Variants in LAMA2 observed in about 807,000 individuals in gnomAD.
The protein encoded by LAMA2 is laminin subunit alpha-2.
Under a neutral mutation model 364.8 loss-of-function variants are expected in LAMA2, and 269 were observed. The ratio of observed to expected loss-of-function variants is 0.74; its 90% CI spans 0.67 to 0.82. The LOEUF (loss-of-function observed/expected upper bound fraction) is 0.82, where lower values mean the gene tolerates loss of function less well. Ranked by LOEUF, LAMA2 falls within the 40% of genes least tolerant of loss-of-function variation. The pLI is 0.00. For missense variants in LAMA2, 3,807 were observed against 3,873.2 expected (o/e 0.98, Z 0.45); for synonymous variants, 1,379 against 1,370.6 (o/e 1.01, Z -0.14).
intron 1 of LAMA2, among the ~76,000 whole-genome samples, chr6:129,049,260 C>G (rs1442431068): frequency 6.6e-6 from 1 of 152,132 alleles, no homozygotes; most frequent in Non-Finnish European, 1.5e-5. Flanking sequence ...GAGATCGTAT[C>G]TATGAAAGTT....
intron 1 of LAMA2, among the ~76,000 whole-genome samples, chr6:128,984,449 G>A (rs879684169): frequency 3.9e-5 from 6 of 152,218 alleles, no homozygotes; most frequent in African/African-American, 1.4e-4. Flanking sequence ...GTATCCACAT[G>A]TGAACTCCCT....
At chr6:129,252,880 C>A (rs1375698652) in intron 14 of LAMA2, among the ~76,000 whole-genome samples, 1 of 152,116 alleles carries the variant, frequency 6.6e-6, no homozygotes, top group East Asian at 1.9e-4. Context: ...TTATGTGTGA[C>A]CTTTGGCAAG....
chr6:128,937,767 T>C (rs904020576), intron 1 of LAMA2, among the ~76,000 whole-genome samples: 2 of 152,100 alleles, frequency 1.3e-5, no homozygotes, highest in Admixed American at 1.3e-4. Flanking sequence ...TTCTATTCTC[T>C]TTCTAGTCAC....
intron 1 of LAMA2, among the ~76,000 whole-genome samples, chr6:129,013,434 C>T (rs898254915): frequency 1.6e-4 from 24 of 149,012 alleles, no homozygotes; most frequent in Non-Finnish European, 1.9e-4. Context: ...GAGACTCCAT[C>T]TCAAAAAAAA....
chr6:129,076,422 G>GTA (rs1261117252), intron 3 of LAMA2, among the ~76,000 whole-genome samples: 50 of 140,504 alleles, frequency 3.6e-4, no homozygotes, highest in Non-Finnish European at 5.8e-4. Flanking sequence ...GTATATGTGT[G>GTA]TATATATATA....
intron 34 of LAMA2, among the ~76,000 whole-genome samples, chr6:129,374,356 A>G (rs1234240866): frequency 2.0e-5 from 3 of 152,170 alleles, no homozygotes; most frequent in Non-Finnish European, 4.4e-5. Flanking sequence ...CCATGACTAC[A>G]TTAGAGGAGA....
chr6:129,504,561 G>T (rs772032503), intron 60 of LAMA2, among the ~76,000 whole-genome samples: 1 of 152,078 alleles, frequency 6.6e-6, no homozygotes, highest in Non-Finnish European at 1.5e-5. Flanking sequence ...TCAGACTCAA[G>T]GTTTTTATAC....
chr6:129,502,501 A>G (rs1785723949), intron 58 of LAMA2, among the ~76,000 whole-genome samples, 158 bp from the exon 59 acceptor site: 1 of 152,244 alleles, frequency 6.6e-6, no homozygotes, highest in Non-Finnish European at 1.5e-5. Context: ...TGAGCACTCA[A>G]TAATAAGTAC....
intron 22 of LAMA2, among the ~76,000 whole-genome samples, chr6:129,303,781 T>A (rs1459225519): frequency 1.3e-5 from 2 of 152,184 alleles, no homozygotes; most frequent in Non-Finnish European, 2.9e-5. Flanking sequence ...ATGGGGATTA[T>A]CCTTTTAAAA....
intron 40 of LAMA2, among the ~76,000 whole-genome samples, chr6:129,410,825 G>C (rs10457521): frequency 0.5 from 76,234 of 151,928 alleles, 19,623 homozygotes; most frequent in African/African-American, 0.62. Context: ...GATTATGGAG[G>C]CTGCAAAGTC....
Position 129,165,617 on chromosome 6 carries a change from C to A in LAMA2, c.1248C>A (p.Cys416Ter). ...NYPRPCQPCH[C>*]DPIGSLNEVC... is the part of the protein sequence containing the mutation. Reference sequence around the variant, plus strand: ...CAAGGCCATGCCAGCCATGTCATTGCGATCCAATTGGTTCCTTAAATGAAG... The same window carrying A: ...CAAGGCCATGCCAGCCATGTCATTGAGATCCAATTGGTTCCTTAAATGAAG... The change falls in exon 9 of 65, where the codon TGC becomes TGA. Residue 416 changes from cysteine (C) to a stop codon, truncating the protein, a stop_gained. Coordinates refer to ENST00000421865, the MANE Select transcript of LAMA2 (RefSeq NM_000426.4). LOFTEE classifies it high-confidence loss of function. 3 of 1,612,956 alleles carry A rather than the reference C, an allele frequency of 1.9e-6. No homozygotes were observed. The highest frequency in any genetic ancestry group is 2.5e-6 in the Non-Finnish European group (3 of 1,179,276).
At chr6:129,170,918 CCA>C (rs1780103771) in intron 9 of LAMA2, among the ~76,000 whole-genome samples, 1 of 150,704 alleles carries the variant, frequency 6.6e-6, no homozygotes, top group Admixed American at 6.6e-5. Context: ...GATCCCTTTA[CCA>C]TTATGTAATG....
At chr6:129,210,685 T>C (rs934045988) in intron 12 of LAMA2, among the ~76,000 whole-genome samples, 2 of 152,200 alleles carry the variant, frequency 1.3e-5, no homozygotes, top group Non-Finnish European at 2.9e-5. Flanking sequence ...GACCCTTAAC[T>C]TCACAGGGCC....
intron 3 of LAMA2, among the ~76,000 whole-genome samples, chr6:129,081,392 T>C (rs6923140): frequency 0.95 from 144,499 of 152,252 alleles, 68,640 homozygotes; most frequent in East Asian, 0.97. Flanking sequence ...TAAAGCATAA[T>C]AATAAAAAAA....
chr6:129,455,540 C>A (rs1308241905), intron 47 of LAMA2, among the ~76,000 whole-genome samples: 4 of 152,028 alleles, frequency 2.6e-5, no homozygotes, highest in Admixed American at 1.3e-4. Flanking sequence ...AAAAGATTAC[C>A]AAAGTGAGAC....
chr6:128,996,317 G>T (rs931114828), intron 1 of LAMA2, among the ~76,000 whole-genome samples: 4 of 151,940 alleles, frequency 2.6e-5, no homozygotes, highest in Non-Finnish European at 5.9e-5. Flanking sequence ...TGAGGGGTGA[G>T]AGAAACTATC....
intron 1 of LAMA2, among the ~76,000 whole-genome samples, chr6:129,037,769 A>G (rs1427390372): frequency 6.7e-6 from 1 of 149,920 alleles, no homozygotes; most frequent in Non-Finnish European, 1.5e-5. Context: ...TCCCAGGTTC[A>G]CGCCATTCTC....
At chr6:129,078,939 G>A (rs1371967330) in intron 3 of LAMA2, among the ~76,000 whole-genome samples, 1 of 152,078 alleles carries the variant, frequency 6.6e-6, no homozygotes, top group African/African-American at 2.4e-5. Context: ...TAGTGTCTTC[G>A]AGATTCTTCC....
intron 1 of LAMA2, among the ~76,000 whole-genome samples, chr6:129,009,972 G>A (rs1050564519): frequency 2.6e-5 from 4 of 152,128 alleles, no homozygotes; most frequent in Non-Finnish European, 5.9e-5. Context: ...TTGTAACAGT[G>A]AAGGAGACAA....
Sources: gnomAD v4.1 joint callset for allele counts (sites outside exome capture counted in the v4.1 genomes callset) on GRCh38, gnomAD v4.1.1 for gene constraint, MANE v1.5 for transcripts, NCBI Gene and HGNC (gene_info 2026-07-23, HGNC 2026-07-21) for gene names.